The following PPP4R3A variants were observed in gnomAD, a reference collection of about 807,000 sequenced individuals.
The protein encoded by PPP4R3A is serine/threonine-protein phosphatase 4 regulatory subunit 3A.
In PPP4R3A, 15 loss-of-function variants were observed where a neutral mutation model predicts 91.7. The ratio of observed to expected loss-of-function variants is 0.16; its 90% confidence interval spans 0.11 to 0.25. The LOEUF is 0.25. Among genes scored for constraint, PPP4R3A ranks in the 10% least tolerant of loss-of-function variants. The probability of loss-of-function intolerance (pLI) is 1.00; values close to 1 mark genes in which losing one functional copy is unlikely to be tolerated. For synonymous variants in PPP4R3A, 377 were observed against 348.7 expected (o/e 1.08, Z -0.91); for missense variants, 623 against 998.4 (o/e 0.62, Z 5.07).
intron 14 of PPP4R3A, among the ~76,000 whole-genome samples, chr14:91,460,105 G>A (rs1888031539): frequency 6.6e-6 from 1 of 151,794 alleles, no homozygotes; most frequent in Non-Finnish European, 1.5e-5. Flanking sequence ...TCCACCTCCC[G>A]GGATCACACC....
chr14:91,483,733 G>C (rs142765771), intron 3 of PPP4R3A, among the ~76,000 whole-genome samples: 27 of 152,284 alleles, frequency 1.8e-4, no homozygotes, highest in African/African-American at 6.3e-4. Flanking sequence ...CCCATAAAAA[G>C]AGTGACTGAG....
chr14:91,493,840 C>T (rs976493553), intron 1 of PPP4R3A, among the ~76,000 whole-genome samples: 1 of 149,148 alleles, frequency 6.7e-6, no homozygotes, highest in Non-Finnish European at 1.5e-5. Context: ...TGGTGCAATC[C>T]CGGCTCACCA....
rs1366292378 is a variant in PPP4R3A at position 91,475,794 on chromosome 14, G to C, written c.1266+17C>G. ...TCCTATGTATAAATACTTACTATTA[G>C]TACAAATAATATTTACCTTGCTGGT... is the stretch of plus-strand genomic sequence containing the variant. On this transcript the variant is annotated intron_variant, in intron 7 of 14. Coordinates refer to ENST00000554943, the MANE Select transcript of PPP4R3A (RefSeq NM_001366432.2). 2 of 1,599,548 alleles carry C rather than the reference G, an allele frequency of 1.3e-6. No homozygotes were observed. The highest frequency in any genetic ancestry group is 1.1e-5 in the South Asian group (1 of 90,168).
Position 91,509,830 on chromosome 14 carries a change from G to A in PPP4R3A, c.-183C>T. On this transcript the variant is annotated 5_prime_UTR_variant, in exon 1 of 15. Coordinates refer to ENST00000554943, the MANE Select transcript of PPP4R3A (RefSeq NM_001366432.2). ...TGGCCCGCTCCAGGGACCGAGCTCTGGGCCGCCGCCTTTCCTCGCCTCCGG... is the reference window on the plus strand; with the variant it reads ...TGGCCCGCTCCAGGGACCGAGCTCTAGGCCGCCGCCTTTCCTCGCCTCCGG... 1 of 1,180,902 alleles carries A rather than the reference G, an allele frequency of 8.5e-7. No individual in the cohort carries two copies. Among genetic ancestry groups the A allele is most frequent in the Non-Finnish European group, 1.0e-6 (1 of 958,118 alleles). The allele number at this position is 1,180,902 out of a possible 1,614,324, so 73.2% of individuals were successfully genotyped here. A position where few individuals can be genotyped will look rare whatever the true frequency, so the allele number is the denominator to read the frequency against.
chr14:91,465,324 CT>C lies in PPP4R3A; in HGVS notation c.1755del (p.Ala586HisfsTer11). 6.2e-7 allele frequency: 1 copy of C among 1,609,454 alleles called. No homozygotes were observed. Among genetic ancestry groups the C allele is most frequent in the South Asian group, 1.1e-5 (1 of 89,944 alleles). On this transcript the variant is annotated frameshift_variant, in exon 11 of 15. Transcript: ENST00000554943. LOFTEE classifies it high-confidence loss of function. ...TAGCGGGATCCATTGTTGAGAAATG[CT>C]TTCACTACTGGTTCAAACAAAAAAC... ...MKSFLFEPVVKAFLNNGSRYN... is the reference protein window; with the variant it reads ...MKSFLFEPVVXAFLNNGSRYN...
chr14:91,480,052 T>C (rs1217639817), intron 4 of PPP4R3A, among the ~76,000 whole-genome samples: 1 of 152,158 alleles, frequency 6.6e-6, no homozygotes, highest in Non-Finnish European at 1.5e-5. Context: ...TCTCAGAGAC[T>C]TTGACTCAGG....
intron 7 of PPP4R3A, among the ~76,000 whole-genome samples, chr14:91,473,940 T>C (rs1254148897): frequency 6.6e-6 from 1 of 152,096 alleles, no homozygotes; most frequent in Non-Finnish European, 1.5e-5. Flanking sequence ...CGGCTAATTT[T>C]GTATTTTTAG....
Position 91,509,823 on chromosome 14 carries a change from G to A in PPP4R3A, c.-176C>T. On this transcript the variant is annotated 5_prime_UTR_variant, in exon 1 of 15. Coordinates refer to ENST00000554943, the MANE Select transcript of PPP4R3A (RefSeq NM_001366432.2). ...GCCTGCATGGCCCGCTCCAGGGACCGAGCTCTGGGCCGCCGCCTTTCCTCG... is the reference window on the plus strand; with the variant it reads ...GCCTGCATGGCCCGCTCCAGGGACCAAGCTCTGGGCCGCCGCCTTTCCTCG... 2 of 1,197,238 alleles carry A rather than the reference G, an allele frequency of 1.7e-6. No homozygotes were observed. The highest frequency in any genetic ancestry group is 2.1e-6 in the Non-Finnish European group (2 of 968,904). 74.2% of individuals were successfully genotyped at this position (1,197,238 alleles called of 1,614,324 possible).
At chr14:91,469,753 G>A (rs994727415) in intron 10 of PPP4R3A, among the ~76,000 whole-genome samples, 28 of 151,874 alleles carry the variant, frequency 1.8e-4, no homozygotes, top group African/African-American at 6.5e-4. Context: ...TAGTAGAGAC[G>A]GGGTTTCACC....
intron 1 of PPP4R3A, among the ~76,000 whole-genome samples, chr14:91,491,932 G>C (rs1204119396): frequency 6.7e-6 from 1 of 149,790 alleles, no homozygotes; most frequent in Non-Finnish European, 1.5e-5. Context: ...GCTGGTCTCT[G>C]GGCTCAAACA....
intron 14 of PPP4R3A, among the ~76,000 whole-genome samples, chr14:91,459,480 G>A (rs1447233165): frequency 1.3e-5 from 2 of 152,080 alleles, no homozygotes; most frequent in Non-Finnish European, 2.9e-5. Flanking sequence ...AAAAATGTTT[G>A]TTTCAAGACT....
chr14:91,480,344 AACTCACATAGCTACTGTTATTAAGTG>A (rs1243413909), intron 4 of PPP4R3A, among the ~76,000 whole-genome samples: 1 of 152,124 alleles, frequency 6.6e-6, no homozygotes, highest in Non-Finnish European at 1.5e-5. Flanking sequence ...AAGGCTGCCC[AACTCACATAGCTACTGTTATTAAGTG>A]ACAGACGGAG....
chr14:91,498,247 ATTGC>A (rs1890707011), intron 1 of PPP4R3A, among the ~76,000 whole-genome samples: 1 of 151,856 alleles, frequency 6.6e-6, no homozygotes, highest in African/African-American at 2.4e-5. Flanking sequence ...AAGCAGGAGA[ATTGC>A]TTGAACCTGG....
At chr14:91,510,544 G>C (rs1301102702), upstream of PPP4R3A, 4 of 152,336 alleles carry the variant, frequency 2.6e-5, no homozygotes, top group Admixed American at 2.0e-4. Flanking sequence ...TGCGAGCGCT[G>C]GGCGGTGTGT....
chr14:91,509,741 G>A lies in PPP4R3A; in HGVS notation c.-94C>T, dbSNP rs1891665617. On this transcript the variant is annotated 5_prime_UTR_variant, in exon 1 of 15. Transcript: ENST00000554943. ...AGGGGCGAGGCGTGAGGGCGCCCGC[G>A]AGCGGAGGGCTCCCCGGCCTCACTG... The A allele has an allele frequency of 7.2e-7, 1 of 1,382,116 alleles. No homozygotes were observed. The highest frequency in any genetic ancestry group is 9.3e-7 in the Non-Finnish European group (1 of 1,076,274). The allele number at this position is 1,382,116 out of a possible 1,614,324, so 85.6% of individuals were successfully genotyped here. A position where few individuals can be genotyped will look rare whatever the true frequency, so the allele number is the denominator to read the frequency against.
At chr14:91,476,603 T>C in intron 5 of PPP4R3A, 79 bp from the exon 6 acceptor site, 2 of 1,062,070 alleles carry the variant, frequency 1.9e-6, no homozygotes, top group Non-Finnish European at 2.7e-6. Flanking sequence ...CTTGCTCTTG[T>C]TGCCGACGCT....
At chr14:91,501,871 A>ATTTTTTTTTT (rs755484959) in intron 1 of PPP4R3A, among the ~76,000 whole-genome samples, 2 of 100,230 alleles carry the variant, frequency 2.0e-5, no homozygotes, top group African/African-American at 7.8e-5. Flanking sequence ...AGCCCGGCTA[A>ATTTTTTTTTT]TTTTTTTTTT....
chr14:91,471,030 T>A, intron 9 of PPP4R3A, 35 bp from the exon 10 acceptor site: 2 of 1,541,546 alleles, frequency 1.3e-6, no homozygotes, highest in Non-Finnish European at 1.7e-6. Flanking sequence ...TTATATTTAA[T>A]GACTAACATT....
intron 1 of PPP4R3A, among the ~76,000 whole-genome samples, chr14:91,497,656 T>C (rs1166881697): frequency 1.3e-5 from 2 of 152,212 alleles, no homozygotes; most frequent in Non-Finnish European, 2.9e-5. Flanking sequence ...GTGTCCTTAA[T>C]ACTCATTTAC....
Sources: allele counts gnomAD v4.1 joint callset (sites outside exome capture counted in the v4.1 genomes callset), GRCh38; gene constraint gnomAD v4.1.1; transcripts MANE v1.5; gene names NCBI Gene and HGNC (gene_info 2026-07-23, HGNC 2026-07-21).